ASAP1: variants seen among roughly 807,000 people sequenced by gnomAD.
ASAP1 encodes the protein ArfGAP with SH3 domain, ankyrin repeat and PH domain 1.
Under a neutral mutation model 145.2 loss-of-function variants are expected in ASAP1, and 43 were observed. The ratio of observed to expected loss-of-function variants is 0.30; its 90% CI spans 0.23 to 0.38. The LOEUF (loss-of-function observed/expected upper bound fraction) is 0.38. ASAP1 is among the 10% of genes least tolerant of loss of function. The pLI is 1.00. For synonymous variants in ASAP1, 546 were observed against 515.5 expected (o/e 1.06, Z -0.80); for missense variants, 1,018 against 1,355.3 (o/e 0.75, Z 3.91).
At chr8:130,440,871 C>G (rs986830498) in intron 1 of ASAP1, among the ~76,000 whole-genome samples, 1 of 152,210 alleles carries the variant, frequency 6.6e-6, no homozygotes, top group African/African-American at 2.4e-5. Context: ...GTGCCACCAG[C>G]CCCTACTTTG....
chr8:130,095,734 T>C (rs1478005667), intron 24 of ASAP1, among the ~76,000 whole-genome samples: 1 of 151,894 alleles, frequency 6.6e-6, no homozygotes, highest in Non-Finnish European at 1.5e-5. Context: ...TTCTCCTGTC[T>C]CAGCCTCCTG....
chr8:130,172,587 C>T (rs1265191897), intron 9 of ASAP1, among the ~76,000 whole-genome samples: 1 of 152,056 alleles, frequency 6.6e-6, no homozygotes, highest in Non-Finnish European at 1.5e-5. Flanking sequence ...AATTCTGTTC[C>T]TGAAGACTCA....
At chr8:130,217,474 T>C (rs1817001285) in intron 4 of ASAP1, among the ~76,000 whole-genome samples, 1 of 152,014 alleles carries the variant, frequency 6.6e-6, no homozygotes. Flanking sequence ...TATACACGTA[T>C]ATATACACAC....
chr8:130,129,552 C>T (rs950526842), intron 15 of ASAP1, among the ~76,000 whole-genome samples: 6 of 152,112 alleles, frequency 3.9e-5, no homozygotes, highest in Admixed American at 6.5e-5. Flanking sequence ...ACTATATAGA[C>T]AGCTAATGTT....
rs114456807 is a variant in ASAP1, at chr8:130,332,878, T to C, written c.186+25139A>G. On this transcript the variant is annotated intron_variant, in intron 3 of 29. Coordinates refer to ENST00000518721, the MANE Select transcript of ASAP1 (RefSeq NM_018482.4). ...AAAAAAATTTTAGAAAATATTTCTA[T>C]ATAAAAATCTAAGAAATCTATAACA... Among the ~76,000 whole-genome samples the C allele has an allele frequency of 8.3e-3, 1,267 of 152,038 alleles. 19 individuals are homozygous for C. Among genetic ancestry groups the C allele is most frequent in the African/African-American group, 0.029 (1,200 of 41,498 alleles).
intron 1 of ASAP1, among the ~76,000 whole-genome samples, chr8:130,403,980 T>C (rs1028216133): frequency 2.0e-5 from 3 of 152,218 alleles, no homozygotes; most frequent in African/African-American, 7.2e-5. Flanking sequence ...CTCCTGTACT[T>C]CCTTAAATAT....
At chr8:130,401,729 G>C (rs765844826) in intron 2 of ASAP1, among the ~76,000 whole-genome samples, 156 bp downstream of exon 2, 1 of 152,178 alleles carries the variant, frequency 6.6e-6, no homozygotes, top group Non-Finnish European at 1.5e-5. Context: ...CTGTACAAAT[G>C]CTAGAGATCT....
At chr8:130,400,599 A>G (rs1428475390) in intron 2 of ASAP1, among the ~76,000 whole-genome samples, 1 of 150,258 alleles carries the variant, frequency 6.7e-6, no homozygotes, top group African/African-American at 2.5e-5. Context: ...CATCCTGGCT[A>G]ACACGGTGAA....
intron 3 of ASAP1, among the ~76,000 whole-genome samples, chr8:130,254,344 G>C (rs138290159): frequency 2.1e-4 from 32 of 152,282 alleles, no homozygotes; most frequent in African/African-American, 7.5e-4. Context: ...ACAAGAATGT[G>C]ACTAGTATAA....
chr8:130,348,476 T>G (rs1174056289), intron 3 of ASAP1, among the ~76,000 whole-genome samples: 1 of 152,178 alleles, frequency 6.6e-6, no homozygotes, highest in Non-Finnish European at 1.5e-5. Context: ...AAAATTCAGT[T>G]CTTACACAAC....
chr8:130,322,580 T>C (rs2137677064), intron 3 of ASAP1, among the ~76,000 whole-genome samples: 1 of 152,334 alleles, frequency 6.6e-6, no homozygotes, highest in East Asian at 1.9e-4. Flanking sequence ...AAGTAAACAT[T>C]ACTGACCTTC....
intron 23 of ASAP1, 151 bp downstream of exon 23, chr8:130,115,477 G>T: frequency 1.5e-6 from 1 of 651,798 alleles, no homozygotes; most frequent in Non-Finnish European, 2.7e-6. Flanking sequence ...CTGTTAAATG[G>T]TGCCCAATAA....
chr8:130,186,810 T>C (rs1171744279), intron 7 of ASAP1, among the ~76,000 whole-genome samples: 1 of 152,174 alleles, frequency 6.6e-6, no homozygotes. Flanking sequence ...AGGTCATACA[T>C]GCAAAAAACA....
At chr8:130,337,037 A>G (rs1050988700) in intron 3 of ASAP1, among the ~76,000 whole-genome samples, 1 of 152,358 alleles carries the variant, frequency 6.6e-6, no homozygotes, top group African/African-American at 2.4e-5. Context: ...CATACTTTAC[A>G]TATCTTTACA....
At chr8:130,313,478 T>C (rs1823479193) in intron 3 of ASAP1, among the ~76,000 whole-genome samples, 2 of 152,200 alleles carry the variant, frequency 1.3e-5, no homozygotes, top group South Asian at 4.1e-4. Flanking sequence ...TTTTAAATAA[T>C]GCCTTCATGC....
chr8:130,063,673 A>G (rs1298115209), intron 27 of ASAP1, among the ~76,000 whole-genome samples: 5 of 152,206 alleles, frequency 3.3e-5, no homozygotes, highest in Non-Finnish European at 7.3e-5. Flanking sequence ...CCATCTTCCA[A>G]GATACCGAGG....
chr8:130,334,977 G>A (rs1005103055), intron 3 of ASAP1, among the ~76,000 whole-genome samples: 2 of 152,060 alleles, frequency 1.3e-5, no homozygotes, highest in African/African-American at 2.4e-5. Flanking sequence ...TGTCTTCATT[G>A]CCTTCCTGTG....
chr8:130,390,936 C>A (rs1045667460), intron 2 of ASAP1, among the ~76,000 whole-genome samples: 3 of 145,086 alleles, frequency 2.1e-5, no homozygotes, highest in South Asian at 2.2e-4. Context: ...GTATATATCC[C>A]CCGCCCCCCC....
rs1028498877 is a variant in ASAP1 at position 130,353,892 on chromosome 8, A to AT, written c.186+4124dup. Among the ~76,000 whole-genome samples the AT allele has an allele frequency of 1.1e-3, 158 of 146,224 alleles. 1 individual carries two copies. Among genetic ancestry groups the AT allele is most frequent in the East Asian group, 7.6e-3 (38 of 5,008 alleles). On this transcript the variant is annotated intron_variant, in intron 3 of 29. Coordinates refer to ENST00000518721, the MANE Select transcript of ASAP1 (RefSeq NM_018482.4). ...TGTTTCACGGAGAGAAGGGAGTGAG[A>AT]TTTTTTTTTTTTGAGACGGAGTCTT...
Sources: allele counts gnomAD v4.1 joint callset (sites outside exome capture counted in the v4.1 genomes callset), GRCh38; gene constraint gnomAD v4.1.1; transcripts MANE v1.5; gene names NCBI Gene and HGNC (gene_info 2026-07-23, HGNC 2026-07-21).